The following SLF1 variants were observed in gnomAD, a reference collection of about 807,000 sequenced individuals.
SLF1 encodes SMC5-SMC6 complex localization factor protein 1.
In SLF1, 105 loss-of-function variants were observed where a neutral mutation model predicts 123.0. The observed-to-expected ratio is 0.85, with a 90% CI of 0.73 to 1.00. The LOEUF is 1.00. SLF1 is among the 50% of genes least tolerant of loss of function. The pLI is 0.00. For missense variants in SLF1, 1,239 were observed against 1,223.0 expected, an observed-to-expected ratio of 1.01 and a Z score of -0.20; for synonymous variants, 434 against 406.6, an observed-to-expected ratio of 1.07 and a Z score of -0.81.
intron 9 of SLF1, among the ~76,000 whole-genome samples, chr5:94,656,725 G>A (rs1748425166): frequency 1.3e-5 from 2 of 151,758 alleles, no homozygotes; most frequent in African/African-American, 4.8e-5. Flanking sequence ...ATGTGTCCAG[G>A]AATTTATCCA....
In SLF1 at chr5:94,670,131, T is replaced by A. The variant is rs1472200605; in HGVS notation, c.1533-20T>A. ...GTGAATTGCTTGTATGTTATAGATT[T>A]TTGGGTTCATGTTTTTCAGGTCTTG... On this transcript the variant is annotated intron_variant, in intron 12 of 20. Coordinates refer to ENST00000265140, the MANE Select transcript of SLF1 (RefSeq NM_032290.4). The A allele has an allele frequency of 6.5e-7, 1 of 1,526,828 alleles. No individual in the cohort carries two copies. The highest frequency in any genetic ancestry group is 1.2e-5 in the South Asian group (1 of 80,224). The allele number at this position is 1,526,828 out of a possible 1,614,324, so 94.6% of individuals were successfully genotyped here.
At chr5:94,679,252 T>C (rs1751469689) in intron 15 of SLF1, among the ~76,000 whole-genome samples, 1 of 152,222 alleles carries the variant, frequency 6.6e-6, no homozygotes, top group African/African-American at 2.4e-5. Context: ...CTTATTTTCC[T>C]CTAAACATTA....
At chr5:94,685,790 G>C (rs1046146497) in intron 15 of SLF1, among the ~76,000 whole-genome samples, 1 of 149,902 alleles carries the variant, frequency 6.7e-6, no homozygotes, top group African/African-American at 2.5e-5. Context: ...AGCCGAGATC[G>C]CACCACTGCA....
chr5:94,643,776 C>T (rs973790261), intron 5 of SLF1, among the ~76,000 whole-genome samples: 4 of 152,030 alleles, frequency 2.6e-5, no homozygotes, highest in African/African-American at 9.7e-5. Context: ...TTTAGAAATA[C>T]TGTCCTGTCC....
intron 19 of SLF1, among the ~76,000 whole-genome samples, 172 bp from the exon 20 acceptor site, chr5:94,691,902 T>C (rs1753086348): frequency 1.3e-5 from 2 of 152,186 alleles, no homozygotes; most frequent in Admixed American, 6.6e-5. Flanking sequence ...TGTTTTTATT[T>C]TAATTTTTTA....
At chr5:94,626,968 T>C (rs1792305379) in intron 1 of SLF1, among the ~76,000 whole-genome samples, 1 of 152,212 alleles carries the variant, frequency 6.6e-6, no homozygotes, top group Admixed American at 6.5e-5. Context: ...GAAATAAAAG[T>C]TCACTTCTGA....
chr5:94,658,467 C>G (rs1015333253), intron 9 of SLF1, among the ~76,000 whole-genome samples: 1 of 149,398 alleles, frequency 6.7e-6, no homozygotes. Context: ...TTTTTCCTTT[C>G]AACACTATGA....
intron 1 of SLF1, among the ~76,000 whole-genome samples, chr5:94,621,920 G>A (rs1276568636): frequency 6.6e-6 from 1 of 151,720 alleles, no homozygotes; most frequent in Non-Finnish European, 1.5e-5. Context: ...ACACGTGCGT[G>A]TGCATCTCTC....
At chr5:94,646,382 C>A (rs150177378) in intron 5 of SLF1, among the ~76,000 whole-genome samples, 15 of 152,272 alleles carry the variant, frequency 9.9e-5, no homozygotes, top group African/African-American at 3.1e-4. Context: ...AAGACCATTG[C>A]TGTACCAGGC....
chr5:94,655,542 A>G (rs998449676), intron 9 of SLF1, among the ~76,000 whole-genome samples: 2 of 152,102 alleles, frequency 1.3e-5, no homozygotes, highest in South Asian at 2.1e-4. Flanking sequence ...ACTTTGGGCA[A>G]TTTGGTTATT....
In SLF1 at chr5:94,654,696, G is replaced by T; in HGVS notation, c.1099G>T (p.Asp367Tyr). The T allele has an allele frequency of 6.5e-7, 1 of 1,545,112 alleles. No homozygotes were observed. Among genetic ancestry groups the T allele is most frequent in the Non-Finnish European group, 8.7e-7 (1 of 1,143,572 alleles). Residue 367 changes from aspartate (D) to tyrosine (Y), a missense_variant, in exon 9 of 21, where the codon GAT becomes TAT. Asp to Tyr is a radical substitution (Grantham distance 160). Transcript: ENST00000265140. The part of the protein sequence containing the change: ...KESKAMAIKT[D>Y]VDVVEIKNTL... ...ATCAAAAGCCATGGCTATTAAGACA[G>T]ATGTGGATGTTGTTGAAATAAAAAA...
chr5:94,620,442 A>G (rs1262951249), intron 1 of SLF1, among the ~76,000 whole-genome samples: 1 of 152,230 alleles, frequency 6.6e-6, no homozygotes, highest in African/African-American at 2.4e-5. Flanking sequence ...AAAATTCAGA[A>G]CTGAAGATTT....
At chr5:94,674,649 A>C (rs1750843312) in intron 14 of SLF1, among the ~76,000 whole-genome samples, 1 of 152,232 alleles carries the variant, frequency 6.6e-6, no homozygotes, top group South Asian at 2.1e-4. Flanking sequence ...TTAAGTCATT[A>C]GCTAAACAGA....
intron 1 of SLF1, among the ~76,000 whole-genome samples, chr5:94,627,438 A>G (rs1232294238): frequency 6.6e-6 from 1 of 151,964 alleles, no homozygotes; most frequent in South Asian, 2.1e-4. Context: ...TCTGTGAGTT[A>G]TGTACTCCCT....
intron 11 of SLF1, 76 bp from the exon 12 acceptor site, chr5:94,665,785 G>T: frequency 7.8e-7 from 1 of 1,283,840 alleles, no homozygotes; most frequent in Non-Finnish European, 1.1e-6. Context: ...TTACTGTTTT[G>T]GTTTTAGACT....
In SLF1 at chr5:94,654,633, G is replaced by A; in HGVS notation, c.1036G>A (p.Glu346Lys). Residue 346 changes from glutamate to lysine, a missense_variant, in exon 9 of 21, where the codon GAA becomes AAA. Physicochemically the swap from Glu to Lys is moderately conservative, Grantham distance 56. Transcript: ENST00000265140. Reference protein sequence around the residue: ...RRHIYNRDQKEMKNSIFAEYA... With the variant: ...RRHIYNRDQKKMKNSIFAEYA... ...CATTTTACTTTGCTATATGCAGAAA[G>A]AAATGAAGAATTCTATTTTTGCTGA... 1 of 1,535,334 alleles carries A rather than the reference G, an allele frequency of 6.5e-7. No homozygotes were observed. The highest frequency in any genetic ancestry group is 8.8e-7 in the Non-Finnish European group (1 of 1,138,996).
intron 14 of SLF1, among the ~76,000 whole-genome samples, chr5:94,676,957 C>T (rs1243794907): frequency 6.6e-6 from 1 of 152,152 alleles, no homozygotes; most frequent in Non-Finnish European, 1.5e-5. Context: ...CCAGTAGTCA[C>T]TGAGGGTTCA....
intron 19 of SLF1, 55 bp from the exon 20 acceptor site, chr5:94,692,019 T>C: frequency 1.9e-6 from 3 of 1,565,224 alleles, no homozygotes; most frequent in Non-Finnish European, 2.6e-6. Flanking sequence ...TCAGTACTTT[T>C]CTACCAAAAG....
In SLF1 at chr5:94,630,740, T is replaced by C. The variant is rs1476374341; in HGVS notation, c.428T>C (p.Ile143Thr). Residue 143 changes from isoleucine to threonine, a missense_variant, in exon 4 of 21, where the codon ATA (isoleucine) becomes ACA (threonine). By Grantham distance (89) the Ile-to-Thr change is moderately conservative (BLOSUM62 -1). Transcript: ENST00000265140. ...ACTGATAAGCGAAGTGATTCTCTTA[T>C]AAGGTAGGATGTGATTACATAAAAG... ...VRTDKRSDSL[I>T]RVLEAGKANV... 6.4e-6 allele frequency: 10 copies of C among 1,550,764 alleles called. No homozygotes were observed. The highest frequency in any genetic ancestry group is 2.4e-5 in the East Asian group (1 of 40,904).
Sources: allele counts gnomAD v4.1 joint callset (sites outside exome capture counted in the v4.1 genomes callset), GRCh38; gene constraint gnomAD v4.1.1; transcripts MANE v1.5; gene names NCBI Gene and HGNC (gene_info 2026-07-23, HGNC 2026-07-21).